Variants in RAB3GAP2 observed in about 807,000 individuals in gnomAD.
The protein encoded by RAB3GAP2 is rab3 GTPase-activating protein non-catalytic subunit.
Under a neutral mutation model 185.3 loss-of-function variants are expected in RAB3GAP2, and 87 were observed. The observed-to-expected ratio is 0.47, with a 90% CI of 0.39 to 0.56. The LOEUF (loss-of-function observed/expected upper bound fraction) is 0.56. Ranked by LOEUF, RAB3GAP2 falls within the 20% of genes least tolerant of loss-of-function variation. RAB3GAP2 has a pLI of 0.00. For synonymous variants in RAB3GAP2, 554 were observed against 576.1 expected, an observed-to-expected ratio of 0.96 and a Z score of 0.55; for missense variants, 1,492 against 1,638.2, an observed-to-expected ratio of 0.91 and a Z score of 1.54.
At position 220,151,165 on chromosome 1, in the gene RAB3GAP2, T is replaced by C; in HGVS notation, c.*86A>G. 1 of 1,369,668 alleles carries C rather than the reference T, an allele frequency of 7.3e-7. No homozygotes were observed. The highest frequency in any genetic ancestry group is 2.3e-5 in the East Asian group (1 of 43,460). 84.8% of individuals were successfully genotyped at this position (1,369,668 alleles called of 1,614,324 possible). A position where few individuals can be genotyped will look rare whatever the true frequency, so the allele number is the denominator to read the frequency against. Reference sequence around the variant, plus strand: ...GAAAAAAAAAGACATACTTTTCCCATAAAATTCCAGGTCTTACTATGTAAA... The same window carrying C: ...GAAAAAAAAAGACATACTTTTCCCACAAAATTCCAGGTCTTACTATGTAAA... On this transcript the variant is annotated 3_prime_UTR_variant, in exon 35 of 35. Transcript: ENST00000358951.
At chr1:220,253,302 C>T (rs1659972532) in intron 1 of RAB3GAP2, among the ~76,000 whole-genome samples, 1 of 152,224 alleles carries the variant, frequency 6.6e-6, no homozygotes, top group South Asian at 2.1e-4. Context: ...GAGGAAGGGG[C>T]TGGCTGCCAT....
chr1:220,154,274 C>T, intron 31 of RAB3GAP2: 1 of 567,846 alleles, frequency 1.8e-6, no homozygotes, highest in African/African-American at 1.9e-5. Flanking sequence ...TTCGTGTTTC[C>T]TATAGTCTCC....
intron 21 of RAB3GAP2, among the ~76,000 whole-genome samples, chr1:220,178,401 A>C (rs1658336279): frequency 6.6e-6 from 1 of 152,228 alleles, no homozygotes; most frequent in South Asian, 2.1e-4. Context: ...ATATATCTTT[A>C]GTAAGAAGAC....
At chr1:220,182,689 T>G (rs1658434188) in intron 20 of RAB3GAP2, 29 bp downstream of exon 20, 1 of 1,481,814 alleles carries the variant, frequency 6.7e-7, no homozygotes, top group African/African-American at 1.4e-5. Context: ...AGAAGAGGCA[T>G]ACAAAGACCA....
chr1:220,179,765 C>T (rs1658365495), intron 21 of RAB3GAP2, among the ~76,000 whole-genome samples: 1 of 152,012 alleles, frequency 6.6e-6, no homozygotes, highest in African/African-American at 2.4e-5. Flanking sequence ...ACTGAACAAC[C>T]AATGAGGCAA....
intron 1 of RAB3GAP2, among the ~76,000 whole-genome samples, chr1:220,271,634 A>G (rs1660334764): frequency 6.6e-6 from 1 of 152,106 alleles, no homozygotes; most frequent in Non-Finnish European, 1.5e-5. Context: ...TTACCTCAAG[A>G]GTCACTCATT....
At position 220,148,915 on chromosome 1, in the gene RAB3GAP2, A is replaced by AGAT. The variant is rs1657685953; in HGVS notation, c.*2333_*2335dup. The AGAT allele has an allele frequency of 1.3e-5, 2 of 152,190 alleles. No individual in the cohort carries two copies. Among genetic ancestry groups the AGAT allele is most frequent in the African/African-American group, 4.8e-5 (2 of 41,448 alleles). The allele number at this position is 152,190 out of a possible 1,614,324, so 9.4% of individuals were successfully genotyped here. A position where few individuals can be genotyped will look rare whatever the true frequency, so the allele number is the denominator to read the frequency against. On this transcript the variant is annotated 3_prime_UTR_variant, in exon 35 of 35. Transcript: ENST00000358951. ...CAGCATTATACAATATAATTTAATAAGATACAAATGCATATTTAATGTTTG... is the reference window on the plus strand; with the variant it reads ...CAGCATTATACAATATAATTTAATAAGATGATACAAATGCATATTTAATGTTTG...
chr1:220,186,662 C>G (rs1467762069), intron 17 of RAB3GAP2, among the ~76,000 whole-genome samples: 4 of 152,168 alleles, frequency 2.6e-5, no homozygotes, highest in Admixed American at 6.5e-5. Flanking sequence ...CTGGTTTCTT[C>G]CTTCCCTTTA....
chr1:220,252,903 C>A (rs1659964678), intron 1 of RAB3GAP2, among the ~76,000 whole-genome samples: 1 of 152,174 alleles, frequency 6.6e-6, no homozygotes, highest in South Asian at 2.1e-4. Context: ...GGGAGCCAAG[C>A]AGCATTGTTT....
intron 1 of RAB3GAP2, chr1:220,254,342 A>G: frequency 6.2e-7 from 1 of 1,613,524 alleles, no homozygotes; most frequent in Non-Finnish European, 8.5e-7. Flanking sequence ...TCCCAGGTGT[A>G]TGGAGCGCCA....
chr1:220,210,985 G>A lies in RAB3GAP2; in HGVS notation c.404C>T (p.Ala135Val), dbSNP rs368573294. The A allele has an allele frequency of 5.0e-6, 8 of 1,613,720 alleles. No homozygotes were observed. In the South Asian group the frequency reaches 8.8e-5, roughly 18 times the overall value. Reference sequence around the variant, plus strand: ...TTGGCTTGCTAGTGGGATACATAGAGCACTGGTTACACATTCCCTAAAAAC... The same window carrying A: ...TTGGCTTGCTAGTGGGATACATAGAACACTGGTTACACATTCCCTAAAAAC... Reference protein sequence around the residue: ...NVEEGECVTSALCIPLASQKR... With the variant: ...NVEEGECVTSVLCIPLASQKR... The change falls in exon 5 of 35, where the codon GCT becomes GTT. Residue 135 changes from alanine to valine, a missense_variant. Physicochemically the swap from Ala to Val is moderately conservative, Grantham distance 64 (BLOSUM62 0). Around this residue, in one of 5 missense-constraint regions of RAB3GAP2, gnomAD observed 177 missense variants for 160.6 expected, o/e 1.10. Coordinates refer to ENST00000358951, the MANE Select transcript of RAB3GAP2 (RefSeq NM_012414.4).
intron 9 of RAB3GAP2, among the ~76,000 whole-genome samples, chr1:220,198,527 C>T (rs74938639): frequency 0.071 from 10,741 of 152,062 alleles, 524 homozygotes; most frequent in Non-Finnish European, 0.11. Context: ...TTTCGAGTCA[C>T]TGATTTTAGC....
At chr1:220,271,249 G>A (rs1442479781) in intron 1 of RAB3GAP2, 1 of 152,184 alleles carries the variant, frequency 6.6e-6, no homozygotes, top group Non-Finnish European at 1.5e-5. Flanking sequence ...TCTAAAAAAG[G>A]GAGAGGAGCT....
chr1:220,152,882 C>A (rs1317461544), intron 33 of RAB3GAP2, among the ~76,000 whole-genome samples: 1 of 152,096 alleles, frequency 6.6e-6, no homozygotes. Flanking sequence ...TAGCACCTAT[C>A]ATTCAATGCA....
chr1:220,249,274 C>T (rs1206490851), intron 1 of RAB3GAP2, among the ~76,000 whole-genome samples: 1 of 152,012 alleles, frequency 6.6e-6, no homozygotes, highest in Non-Finnish European at 1.5e-5. Context: ...TGGCTTTTAC[C>T]AAAATGGTGA....
chr1:220,218,631 C>T (rs778318168), intron 2 of RAB3GAP2, among the ~76,000 whole-genome samples: 1 of 151,880 alleles, frequency 6.6e-6, no homozygotes, highest in African/African-American at 2.4e-5. Flanking sequence ...GGAGATATAT[C>T]TAATGTAAAT....
intron 13 of RAB3GAP2, among the ~76,000 whole-genome samples, chr1:220,192,153 A>G (rs1382120071): frequency 6.6e-6 from 1 of 152,258 alleles, no homozygotes; most frequent in Non-Finnish European, 1.5e-5. Flanking sequence ...CGTATTTTAG[A>G]AAAGTCTTGC....
chr1:220,194,758 A>G (rs1468037143), intron 12 of RAB3GAP2, among the ~76,000 whole-genome samples: 1 of 152,250 alleles, frequency 6.6e-6, no homozygotes, highest in Non-Finnish European at 1.5e-5. Flanking sequence ...GTAACAAACT[A>G]TCTAAACTTT....
At chr1:220,162,532 A>C (rs1367867593) in intron 27 of RAB3GAP2, among the ~76,000 whole-genome samples, 2 of 152,230 alleles carry the variant, frequency 1.3e-5, no homozygotes, top group Non-Finnish European at 2.9e-5. Context: ...TTATGAGAGA[A>C]ATACAATGTC....
Sources: gnomAD v4.1 joint callset for allele counts (sites outside exome capture counted in the v4.1 genomes callset) on GRCh38, gnomAD v4.1.1 for gene constraint, gnomAD v4.1.1 regional missense constraint, MANE v1.5 for transcripts, NCBI Gene and HGNC (gene_info 2026-07-23, HGNC 2026-07-21) for gene names.